ZWILCH: variants seen among roughly 807,000 people sequenced by gnomAD.
ZWILCH encodes the protein protein zwilch homolog.
ZWILCH carries 74 observed loss-of-function variants against 79.9 expected under a neutral mutation model. That is an observed-to-expected ratio of 0.93 (90% CI 0.77 to 1.12). ZWILCH has a LOEUF of 1.12. ZWILCH is among the 50% of genes most tolerant of loss of function. The pLI is 0.00. For synonymous variants in ZWILCH, 241 were observed against 228.2 expected (o/e 1.06, Z -0.51); for missense variants, 694 against 687.5 (o/e 1.01, Z -0.11).
intron 14 of ZWILCH, among the ~76,000 whole-genome samples, chr15:66,535,233 C>A (rs577120905): frequency 5.3e-5 from 8 of 152,130 alleles, no homozygotes; most frequent in Admixed American, 5.2e-4. Context: ...TCTGGAATAC[C>A]TCCTGAAGGT....
chr15:66,534,227 T>C (rs2140793732), intron 14 of ZWILCH, among the ~76,000 whole-genome samples: 1 of 152,342 alleles, frequency 6.6e-6, no homozygotes, highest in South Asian at 2.1e-4. Flanking sequence ...AACAACTATT[T>C]ATGTAGCATT....
At position 66,528,314 on chromosome 15, in the gene ZWILCH, G is replaced by A. The variant is rs375136352; in HGVS notation, c.969+402G>A. Among the ~76,000 whole-genome samples the A allele has an allele frequency of 3.5e-4, 53 of 152,252 alleles. 2 individuals carry two copies. The South Asian group carries it at 0.011, about 31-fold the overall frequency. On this transcript the variant is annotated intron_variant, in intron 10 of 18. Coordinates refer to ENST00000307897, the MANE Select transcript of ZWILCH (RefSeq NM_017975.5). ...AGATGGGTTCTCACTATATTGCCTA[G>A]GCTGGTCTTGAACTCGTGGGCTCAA...
intron 17 of ZWILCH, among the ~76,000 whole-genome samples, chr15:66,542,065 A>C (rs1474955106): frequency 1.3e-5 from 2 of 152,230 alleles, no homozygotes; most frequent in African/African-American, 4.8e-5. Context: ...GTGTTATACA[A>C]AACCTGGAAG....
At chr15:66,529,416 G>T in intron 11 of ZWILCH, 78 bp from the exon 12 acceptor site, 7 of 899,216 alleles carry the variant, frequency 7.8e-6, no homozygotes, top group South Asian at 1.9e-5. Flanking sequence ...TACTTCATTT[G>T]TGTATCCTTA....
At chr15:66,538,901 C>G (rs1350080020) in intron 16 of ZWILCH, among the ~76,000 whole-genome samples, 1 of 152,172 alleles carries the variant, frequency 6.6e-6, no homozygotes, top group African/African-American at 2.4e-5. Flanking sequence ...TTCCTATCTT[C>G]CCTTGGTGAT....
intron 3 of ZWILCH, among the ~76,000 whole-genome samples, chr15:66,515,230 T>C (rs1018543965): frequency 6.6e-6 from 1 of 152,154 alleles, no homozygotes; most frequent in African/African-American, 2.4e-5. Context: ...ATTACAGGCA[T>C]GCGACACCAT....
At chr15:66,522,765 G>GTA (rs896213933) in intron 7 of ZWILCH, among the ~76,000 whole-genome samples, 1 of 152,168 alleles carries the variant, frequency 6.6e-6, no homozygotes, top group African/African-American at 2.4e-5. Context: ...TTTAAAAAAT[G>GTA]TATATACAGA....
chr15:66,512,259 T>C (rs1019071298), intron 2 of ZWILCH, among the ~76,000 whole-genome samples: 1 of 152,104 alleles, frequency 6.6e-6, no homozygotes, highest in African/African-American at 2.4e-5. Flanking sequence ...ATTTCTATTT[T>C]TATTATCATT....
At chr15:66,540,262 C>T (rs763166322) in intron 17 of ZWILCH, 52 bp downstream of exon 17, 5 of 1,467,006 alleles carry the variant, frequency 3.4e-6, no homozygotes, top group Non-Finnish European at 3.8e-6. Context: ...AGAAAATAAA[C>T]TAAGTCTGGC....
intron 10 of ZWILCH, among the ~76,000 whole-genome samples, 183 bp downstream of exon 10, chr15:66,528,095 T>A (rs1667377405): frequency 6.6e-6 from 1 of 152,148 alleles, no homozygotes; most frequent in Non-Finnish European, 1.5e-5. Flanking sequence ...ATGATAAATA[T>A]TTTTATTTAA....
chr15:66,516,738 T>C (rs956777106), intron 4 of ZWILCH, among the ~76,000 whole-genome samples: 4 of 152,146 alleles, frequency 2.6e-5, no homozygotes, highest in Admixed American at 6.6e-5. Context: ...AACTCTCACC[T>C]CAGGTGATCC....
intron 1 of ZWILCH, 180 bp downstream of exon 1, chr15:66,505,571 G>A (rs1893781810): frequency 3.0e-6 from 2 of 656,106 alleles, no homozygotes; most frequent in Non-Finnish European, 2.6e-6. Flanking sequence ...CCGTGTGGGA[G>A]CTTGCTTGTC....
At chr15:66,520,189 T>A (rs1021669254) in intron 5 of ZWILCH, among the ~76,000 whole-genome samples, 1 of 152,058 alleles carries the variant, frequency 6.6e-6, no homozygotes, top group African/African-American at 2.4e-5. Flanking sequence ...GGCGCAATCA[T>A]GGCTCACTGC....
chr15:66,512,732 C>T (rs929874841), intron 2 of ZWILCH, among the ~76,000 whole-genome samples: 6 of 152,044 alleles, frequency 3.9e-5, no homozygotes, highest in East Asian at 1.9e-4. Context: ...CTTAGCCTCC[C>T]GAGTAGCTGG....
intron 2 of ZWILCH, among the ~76,000 whole-genome samples, chr15:66,509,362 A>G (rs563427952): frequency 3.3e-4 from 50 of 152,296 alleles, no homozygotes; most frequent in Admixed American, 1.2e-3. Context: ...TTCCTGGCAA[A>G]CATTAATCTA....
intron 4 of ZWILCH, among the ~76,000 whole-genome samples, chr15:66,516,231 C>A (rs902094027): frequency 5.9e-5 from 9 of 152,206 alleles, no homozygotes; most frequent in Admixed American, 2.6e-4. Context: ...AGTTATCTCA[C>A]CCCAGGTGCC....
chr15:66,538,453 G>C (rs917396126), intron 16 of ZWILCH, among the ~76,000 whole-genome samples: 1 of 151,636 alleles, frequency 6.6e-6, no homozygotes, highest in Admixed American at 6.6e-5. Flanking sequence ...CGCAATCTCA[G>C]CTCACTGCAA....
chr15:66,509,842 T>TGAATGAGAAGCTGTA (rs1567039378), intron 2 of ZWILCH, among the ~76,000 whole-genome samples: 44 of 77,948 alleles, frequency 5.6e-4, no homozygotes, highest in South Asian at 1.3e-3. Flanking sequence ...TATATATATA[T>TGAATGAGAAGCTGTA]ATATATATAT....
chr15:66,515,788 A>C lies in ZWILCH; in HGVS notation c.320+144A>C. ...CTGATAAGTATACCCAACTAAGGAT[A>C]GTTCTACTTGAATATTTGATAGGTA... On this transcript the variant is annotated intron_variant, in intron 4 of 18. Coordinates refer to ENST00000307897, the MANE Select transcript of ZWILCH (RefSeq NM_017975.5). 8 of 678,616 alleles carry C rather than the reference A, an allele frequency of 1.2e-5. No homozygotes were observed. The South Asian group carries it at 1.3e-4, about 11-fold the overall frequency. The allele number at this position is 678,616 out of a possible 1,614,324, so 42.0% of individuals were successfully genotyped here. A position where few individuals can be genotyped will look rare whatever the true frequency, so the allele number is the denominator to read the frequency against.
Sources: allele counts gnomAD v4.1 joint callset (sites outside exome capture counted in the v4.1 genomes callset), GRCh38; gene constraint gnomAD v4.1.1; transcripts MANE v1.5; gene names NCBI Gene and HGNC (gene_info 2026-07-23, HGNC 2026-07-21).